The following TSG101 variants were observed in gnomAD, a reference collection of about 807,000 sequenced individuals.
The protein encoded by TSG101 is tumor susceptibility 101.
A neutral mutation model predicts 48.5 loss-of-function variants in TSG101; 19 were observed. That is an observed-to-expected ratio of 0.39 (90% CI 0.27 to 0.58). The LOEUF is 0.58. TSG101 is among the 20% of genes least tolerant of loss of function. The probability of loss-of-function intolerance (pLI) is 0.55; values close to 1 mark genes in which losing one functional copy is unlikely to be tolerated. For synonymous variants in TSG101, 174 were observed against 169.4 expected, an observed-to-expected ratio of 1.03 and a Z score of -0.21; for missense variants, 365 against 484.4, an observed-to-expected ratio of 0.75 and a Z score of 2.31.
Position 18,511,782 on chromosome 11 carries a change from T to C in TSG101, c.358-2117A>G, listed in dbSNP as rs539638637. Among the ~76,000 whole-genome samples the C allele has an allele frequency of 2.6e-5, 4 of 152,314 alleles. No individual in the cohort carries two copies. The South Asian group carries it at 8.3e-4, about 32-fold the overall frequency. On this transcript the variant is annotated intron_variant, in intron 4 of 9. Coordinates refer to ENST00000251968, the MANE Select transcript of TSG101 (RefSeq NM_006292.4). Reference sequence around the variant, plus strand: ...GAAAAAGAAACCCTGTACTCATTAGTAGTCACTTCCCGTTTCCCTTTCCCC... The same window carrying C: ...GAAAAAGAAACCCTGTACTCATTAGCAGTCACTTCCCGTTTCCCTTTCCCC...
intron 6 of TSG101, among the ~76,000 whole-genome samples, chr11:18,504,200 C>CAAAAAAAA (rs933198352): frequency 2.3e-5 from 1 of 43,312 alleles, no homozygotes; most frequent in Non-Finnish European, 5.7e-5. Flanking sequence ...GCCCCCATCT[C>CAAAAAAAA]AAAAAAAAAA....
At chr11:18,524,720 A>G (rs1266727583) in intron 1 of TSG101, among the ~76,000 whole-genome samples, 1 of 152,132 alleles carries the variant, frequency 6.6e-6, no homozygotes, top group African/African-American at 2.4e-5. Context: ...TTTTGTTTCT[A>G]AAGTAATCAC....
At chr11:18,503,220 A>T (rs965891533) in intron 6 of TSG101, among the ~76,000 whole-genome samples, 3 of 152,146 alleles carry the variant, frequency 2.0e-5, no homozygotes, top group Non-Finnish European at 2.9e-5. Context: ...ATCTTTCTCT[A>T]TTTAACATTA....
chr11:18,526,572 C>T (rs1420442170), intron 1 of TSG101, among the ~76,000 whole-genome samples: 1 of 152,252 alleles, frequency 6.6e-6, no homozygotes, highest in Non-Finnish European at 1.5e-5. Context: ...CTGTCGCCGT[C>T]CCCCACCCTC....
chr11:18,481,982 G>A lies in TSG101; in HGVS notation c.844-113C>T. 3.6e-6 allele frequency: 5 copies of A among 1,401,052 alleles called. No homozygotes were observed. The East Asian group carries it at 6.9e-5, about 19-fold the overall frequency. The allele number at this position is 1,401,052 out of a possible 1,614,324, so 86.8% of individuals were successfully genotyped here. A position where few individuals can be genotyped will look rare whatever the true frequency, so the allele number is the denominator to read the frequency against. On this transcript the variant is annotated intron_variant, in intron 8 of 9. Transcript: ENST00000251968. ...TAACAACCATGTTTAAACAACTCATGGATGAGAATAATGTTTCAAATAACA... is the reference window on the plus strand; with the variant it reads ...TAACAACCATGTTTAAACAACTCATAGATGAGAATAATGTTTCAAATAACA...
chr11:18,492,501 G>A (rs1001066561), intron 7 of TSG101, among the ~76,000 whole-genome samples: 7 of 152,004 alleles, frequency 4.6e-5, no homozygotes, highest in African/African-American at 7.2e-5. Context: ...TTAAATCCTG[G>A]AATTTACATT....
intron 6 of TSG101, among the ~76,000 whole-genome samples, chr11:18,502,887 T>C (rs1849911362): frequency 6.6e-6 from 1 of 152,242 alleles, no homozygotes; most frequent in Non-Finnish European, 1.5e-5. Flanking sequence ...AACAAGTAAT[T>C]TGTGAGAGAA....
chr11:18,504,756 C>T (rs1396988451), intron 6 of TSG101, among the ~76,000 whole-genome samples: 2 of 152,152 alleles, frequency 1.3e-5, no homozygotes, highest in Non-Finnish European at 2.9e-5. Flanking sequence ...AGTCCATTTC[C>T]ATAGTGTACC....
At position 18,497,710 on chromosome 11, in the gene TSG101, A is replaced by G. The variant is rs1849805327; in HGVS notation, c.640+4776T>C. Among the ~76,000 whole-genome samples, 4 of 152,230 alleles carry G rather than the reference A, an allele frequency of 2.6e-5. No homozygotes were observed. In the South Asian group the frequency reaches 6.2e-4, roughly 24 times the overall value. On this transcript the variant is annotated intron_variant, in intron 7 of 9. Coordinates refer to ENST00000251968, the MANE Select transcript of TSG101 (RefSeq NM_006292.4). ...TATTTTATTGATAATGCTGAACCAAAATAAGAGAGCTTCACCAGATTTAGT... is the reference window on the plus strand; with the variant it reads ...TATTTTATTGATAATGCTGAACCAAGATAAGAGAGCTTCACCAGATTTAGT...
intron 1 of TSG101, among the ~76,000 whole-genome samples, chr11:18,521,386 T>TTTC (rs1850271692): frequency 6.9e-6 from 1 of 144,240 alleles, no homozygotes; most frequent in East Asian, 2.0e-4. Context: ...TTTTTTTTTT[T>TTTC]GAGATAGGGT....
chr11:18,525,774 T>A, intron 1 of TSG101: 1 of 739,466 alleles, frequency 1.4e-6, no homozygotes, highest in Non-Finnish European at 1.7e-6. Flanking sequence ...AATATATGCT[T>A]TATTTTGAAA....
At position 18,524,797 on chromosome 11, in the gene TSG101, T is replaced by C. The variant is rs527684014; in HGVS notation, c.42+1978A>G. Among the ~76,000 whole-genome samples, 20 of 152,294 alleles carry C rather than the reference T, an allele frequency of 1.3e-4. No homozygotes were observed. In the South Asian group the frequency reaches 3.7e-3, roughly 28 times the overall value. On this transcript the variant is annotated intron_variant, in intron 1 of 9. Transcript: ENST00000251968. ...TTCTGAACATGCCTTGCCTTTGTCT[T>C]TGATGGCAGGTTTCTCTAGGGAAGC...
chr11:18,494,482 CA>C (rs1272581057), intron 7 of TSG101, among the ~76,000 whole-genome samples: 1 of 152,180 alleles, frequency 6.6e-6, no homozygotes, highest in African/African-American at 2.4e-5. Context: ...TTAACTTACA[CA>C]ATAGCTTTTT....
chr11:18,483,042 G>A (rs1398309866), intron 8 of TSG101, among the ~76,000 whole-genome samples: 1 of 150,444 alleles, frequency 6.6e-6, no homozygotes, highest in Non-Finnish European at 1.5e-5. Flanking sequence ...GTGTGTGTGT[G>A]TAGCAGGGGG....
intron 3 of TSG101, among the ~76,000 whole-genome samples, chr11:18,515,106 T>A (rs1410638815): frequency 6.6e-6 from 1 of 152,214 alleles, no homozygotes. Flanking sequence ...TTATTATGAA[T>A]GGTTGACTTA....
Position 18,481,647 on chromosome 11 carries a change from G to A in TSG101, c.1066C>T (p.Leu356=). 6.2e-7 allele frequency: 1 copy of A among 1,613,734 alleles called. No individual in the cohort carries two copies. The highest frequency in any genetic ancestry group is 1.1e-5 in the South Asian group (1 of 90,960). ...AGAAATACCTTCAGGAAGACATCCA[G>A]GTCTATCACGCCCCTTCTCAAGGCT... ...GEALRRGVID[L]DVFLKHVRLL... The change falls in exon 9 of 10, where the codon CTG becomes TTG. Residue 356 remains leucine (L), a synonymous_variant. Transcript: ENST00000251968.
intron 1 of TSG101, among the ~76,000 whole-genome samples, chr11:18,520,316 T>C (rs1190568293): frequency 1.3e-5 from 2 of 152,186 alleles, no homozygotes; most frequent in Non-Finnish European, 2.9e-5. Flanking sequence ...CTCGAACTCC[T>C]GGGCTCAAGT....
intron 6 of TSG101, among the ~76,000 whole-genome samples, chr11:18,505,892 A>C (rs1253431222): frequency 6.6e-6 from 1 of 151,944 alleles, no homozygotes; most frequent in East Asian, 1.9e-4. Context: ...ATCTCGGCTC[A>C]CTGCAACCTC....
In TSG101 at chr11:18,513,286, G is replaced by A. The variant is rs569991954; in HGVS notation, c.357+1392C>T. ...ATATCTCTTAAGGTGGGAAAATTCA[G>A]AGTATCTCATCTTTTCTTTTCTTTT... On this transcript the variant is annotated intron_variant, in intron 4 of 9. Coordinates refer to ENST00000251968, the MANE Select transcript of TSG101 (RefSeq NM_006292.4). 3.9e-5 allele frequency among the ~76,000 whole-genome samples: 6 copies of A among 152,002 alleles called. 1 individual carries two copies. In the Middle Eastern group the frequency reaches 0.017, roughly 431 times the overall value.
Sources: allele counts gnomAD v4.1 joint callset (sites outside exome capture counted in the v4.1 genomes callset), GRCh38; gene constraint gnomAD v4.1.1; transcripts MANE v1.5; gene names NCBI Gene and HGNC (gene_info 2026-07-23, HGNC 2026-07-21).